Variants in OXSR1 observed in about 807,000 individuals in gnomAD.
OXSR1 encodes serine/threonine-protein kinase OSR1.
In OXSR1, 24 loss-of-function variants were observed where a neutral mutation model predicts 79.8. That is an observed-to-expected ratio of 0.30 (90% CI 0.22 to 0.42). The LOEUF (loss-of-function observed/expected upper bound fraction) is 0.42. Among genes scored for constraint, OXSR1 ranks in the 10% least tolerant of loss-of-function variants. The pLI is 1.00. For missense variants in OXSR1, 430 were observed against 618.4 expected, an observed-to-expected ratio of 0.70 and a Z score of 3.23; for synonymous variants, 226 against 209.2, an observed-to-expected ratio of 1.08 and a Z score of -0.69.
In OXSR1 at chr3:38,166,150, C is replaced by T. The variant is rs536129801; in HGVS notation, c.70+204C>T. Among the ~76,000 whole-genome samples, 36 of 142,322 alleles carry T rather than the reference C, an allele frequency of 2.5e-4. No individual in the cohort carries two copies. The East Asian group carries it at 6.8e-3, about 27-fold the overall frequency. 93.4% of individuals were successfully genotyped at this position (142,322 alleles called of 152,430 possible). A position where few individuals can be genotyped will look rare whatever the true frequency, so the allele number is the denominator to read the frequency against. ...TTTGAGGCGCGCGCCTGTGAGGTGG[C>T]GTGGGGTGGGGTGAGGCTTGAGGGG... On this transcript the variant is annotated intron_variant, in intron 1 of 17. Coordinates refer to ENST00000311806, the MANE Select transcript of OXSR1 (RefSeq NM_005109.3).
In OXSR1 at chr3:38,232,208, G is replaced by A. The variant is rs115255188; in HGVS notation, c.951+1778G>A. On this transcript the variant is annotated intron_variant, in intron 10 of 17. Transcript: ENST00000311806. ...GCTGAGGTGGGAGGATAGCTTGATC[G>A]CAGGAGTTCAAGGCTAGCCTGAGCA... Among the ~76,000 whole-genome samples, 1,379 of 150,698 alleles carry A rather than the reference G, an allele frequency of 9.2e-3. 23 individuals carry two copies. The highest frequency in any genetic ancestry group is 0.032 in the African/African-American group (1,327 of 41,008).
chr3:38,210,638 A>G (rs190171656), intron 4 of OXSR1, among the ~76,000 whole-genome samples: 6 of 152,144 alleles, frequency 3.9e-5, no homozygotes, highest in East Asian at 1.9e-4. Context: ...GTCAACTACA[A>G]TTTAAGTTTT....
intron 1 of OXSR1, among the ~76,000 whole-genome samples, chr3:38,177,758 T>A (rs971015221): frequency 1.3e-5 from 2 of 152,004 alleles, no homozygotes; most frequent in Admixed American, 1.3e-4. Flanking sequence ...CTAATTTTTT[T>A]ATTTTTCATT....
rs771023786 is a variant in OXSR1, at chr3:38,221,615, T to C, written c.528T>C (p.Asp176=). The change falls in exon 6 of 18, where the codon GAT becomes GAC. Residue 176 remains aspartate (D), a synonymous_variant. Coordinates refer to ENST00000311806, the MANE Select transcript of OXSR1 (RefSeq NM_005109.3). ...GTGCTTTTTTAGCAACTGGTGGTGA[T>C]ATTACCCGAAATAAAGTGAGAAAGA... ...GVSAFLATGG[D]ITRNKVRKTF... is the part of the protein sequence containing the mutation. 3.1e-6 allele frequency: 5 copies of C among 1,613,238 alleles called. No homozygotes were observed. In the South Asian group the frequency reaches 5.5e-5, roughly 18 times the overall value.
intron 12 of OXSR1, among the ~76,000 whole-genome samples, chr3:38,244,673 G>GCGCGCGCA (rs1703104706): frequency 6.6e-6 from 1 of 151,906 alleles, no homozygotes; most frequent in Non-Finnish European, 1.5e-5. Flanking sequence ...GTGTGCGTGC[G>GCGCGCGCA]CATGTACCAC....
At chr3:38,168,298 T>G (rs1701506912) in intron 1 of OXSR1, among the ~76,000 whole-genome samples, 1 of 152,232 alleles carries the variant, frequency 6.6e-6, no homozygotes, top group Non-Finnish European at 1.5e-5. Context: ...TAATCCAGTT[T>G]TAGAATATTT....
intron 10 of OXSR1, 99 bp from the exon 11 acceptor site, chr3:38,236,740 C>T (rs1702926011): frequency 1.9e-6 from 2 of 1,079,190 alleles, no homozygotes; most frequent in African/African-American, 1.6e-5. Context: ...TGATTATCTA[C>T]TTAATGGATT....
chr3:38,201,709 A>G (rs1702168563), intron 4 of OXSR1, among the ~76,000 whole-genome samples: 1 of 150,950 alleles, frequency 6.6e-6, no homozygotes, highest in Non-Finnish European at 1.5e-5. Flanking sequence ...GAGTGTCTCA[A>G]AAAAAAAATC....
chr3:38,244,275 G>A lies in OXSR1; in HGVS notation c.1110+1497G>A, dbSNP rs573245779. On this transcript the variant is annotated intron_variant, in intron 12 of 17. Coordinates refer to ENST00000311806, the MANE Select transcript of OXSR1 (RefSeq NM_005109.3). ...CTCATTACTTTGTTTTTAAATTTGC[G>A]ATAAAATTCACATAATGTAAAATTT... Among the ~76,000 whole-genome samples, 56 of 151,852 alleles carry A rather than the reference G, an allele frequency of 3.7e-4. No individual in the cohort carries two copies. The South Asian group carries it at 1.0e-2, about 27-fold the overall frequency.
rs1575365012 is a variant in OXSR1, at chr3:38,236,145, A to T, written c.952-694A>T. Among the ~76,000 whole-genome samples, 5 of 152,358 alleles carry T rather than the reference A, an allele frequency of 3.3e-5. No individual in the cohort carries two copies. In the South Asian group the frequency reaches 1.0e-3, roughly 32 times the overall value. ...AGGTTCAGCTCTGAATATGATATATATAATCATGTTATGTAAACATTGAAT... is the reference window on the plus strand; with the variant it reads ...AGGTTCAGCTCTGAATATGATATATTTAATCATGTTATGTAAACATTGAAT... On this transcript the variant is annotated intron_variant, in intron 10 of 17. Coordinates refer to ENST00000311806, the MANE Select transcript of OXSR1 (RefSeq NM_005109.3).
intron 4 of OXSR1, among the ~76,000 whole-genome samples, chr3:38,201,916 A>C (rs1702172983): frequency 6.6e-6 from 1 of 152,214 alleles, no homozygotes; most frequent in South Asian, 2.1e-4. Flanking sequence ...GTTTTGCTAA[A>C]GATGTGCAGT....
chr3:38,246,544 G>C (rs530741162), intron 13 of OXSR1, among the ~76,000 whole-genome samples: 2 of 152,272 alleles, frequency 1.3e-5, no homozygotes, highest in East Asian at 3.9e-4. Flanking sequence ...GAGACTAGGA[G>C]AATCGATGGC....
At chr3:38,230,465 T>A (rs1232390163) in intron 10 of OXSR1, 35 bp downstream of exon 10, 24 of 1,390,450 alleles carry the variant, frequency 1.7e-5, no homozygotes, top group Non-Finnish European at 2.4e-5. Context: ...TCCTGAAGAA[T>A]TTACTTTATT....
intron 4 of OXSR1, among the ~76,000 whole-genome samples, chr3:38,209,649 T>G (rs1196591550): frequency 6.6e-6 from 1 of 151,294 alleles, no homozygotes; most frequent in East Asian, 1.9e-4. Flanking sequence ...TTTTTTTTTT[T>G]TTTGAGACGG....
chr3:38,174,067 A>G (rs868539424), intron 1 of OXSR1, among the ~76,000 whole-genome samples: 5 of 152,234 alleles, frequency 3.3e-5, no homozygotes, highest in South Asian at 2.1e-4. Context: ...TGCTAATGTG[A>G]TTAAGGAATG....
intron 2 of OXSR1, among the ~76,000 whole-genome samples, chr3:38,185,896 G>A (rs556115306): frequency 3.3e-4 from 44 of 132,244 alleles, no homozygotes; most frequent in African/African-American, 1.2e-3. Context: ...AGTGAGTCAC[G>A]TTCATGCCAC....
chr3:38,174,579 C>G (rs1451159498), intron 1 of OXSR1, among the ~76,000 whole-genome samples: 1 of 151,982 alleles, frequency 6.6e-6, no homozygotes, highest in Non-Finnish European at 1.5e-5. Flanking sequence ...GAGACACTGT[C>G]TCAAAAACAA....
At chr3:38,168,836 T>C (rs554532298) in intron 1 of OXSR1, among the ~76,000 whole-genome samples, 1 of 152,356 alleles carries the variant, frequency 6.6e-6, no homozygotes, top group Non-Finnish European at 1.5e-5. Flanking sequence ...CCATCTGCCA[T>C]GTAGTACATG....
At chr3:38,236,789 T>A in intron 10 of OXSR1, 50 bp from the exon 11 acceptor site, 1 of 1,516,874 alleles carries the variant, frequency 6.6e-7, no homozygotes, top group South Asian at 1.3e-5. Flanking sequence ...AGTTTTCTAC[T>A]TAGTAAGCAT....
Sources: allele counts gnomAD v4.1 joint callset (sites outside exome capture counted in the v4.1 genomes callset), GRCh38; gene constraint gnomAD v4.1.1; transcripts MANE v1.5; gene names NCBI Gene and HGNC (gene_info 2026-07-23, HGNC 2026-07-21).